The following MANEAL variants were observed in gnomAD, a reference collection of about 807,000 sequenced individuals.
The protein encoded by MANEAL is glycoprotein endo-alpha-1,2-mannosidase-like protein.
Under a neutral mutation model 35.9 loss-of-function variants are expected in MANEAL, and 28 were observed. The observed-to-expected ratio is 0.78, with a 90% CI of 0.58 to 1.07. MANEAL has a LOEUF of 1.07. Ranked by LOEUF, MANEAL falls within the 50% of genes least tolerant of loss-of-function variation. MANEAL has a pLI of 0.00. For synonymous variants in MANEAL, 286 were observed against 272.2 expected, an observed-to-expected ratio of 1.05 and a Z score of -0.50; for missense variants, 576 against 629.6, an observed-to-expected ratio of 0.91 and a Z score of 0.91.
chr1:37,799,041 G>GA lies in MANEAL; in HGVS notation c.738-520dup, dbSNP rs1381161898. ...AGCAACAGAGCAAGACCCTATCTCAGAAAAAAGTAGTAATAATAAGAAGAA... is the reference window on the plus strand; with the variant it reads ...AGCAACAGAGCAAGACCCTATCTCAGAAAAAAAGTAGTAATAATAAGAAGAA... On this transcript the variant is annotated intron_variant, in intron 3 of 3. Coordinates refer to ENST00000373045, the MANE Select transcript of MANEAL (RefSeq NM_001113482.2). The surrounding 1 kb of genome is among the most constrained non-coding windows in gnomAD (Gnocchi z 4.1). Among the ~76,000 whole-genome samples the GA allele has an allele frequency of 6.6e-6, 1 of 151,858 alleles. No homozygotes were observed. Among genetic ancestry groups the GA allele is most frequent in the Admixed American group, 6.6e-5 (1 of 15,234 alleles).
chr1:37,794,188 CCGG>C lies in MANEAL; in HGVS notation c.15_17del (p.Arg7del). 3.9e-6 allele frequency: 5 copies of C among 1,274,918 alleles called. No individual in the cohort carries two copies. The highest frequency in any genetic ancestry group is 1.7e-5 in the South Asian group (1 of 59,536). The allele number at this position is 1,274,918 out of a possible 1,614,324, so 79.0% of individuals were successfully genotyped here. The stretch of plus-strand genomic sequence containing the variant: ...GCAGGAGCGCACAGTCGGCCATGGC[CCGG>C]CGGCGGCGCCGCGCCTGCATCGCTC... On this transcript the variant is annotated inframe_deletion, in exon 1 of 4. Transcript: ENST00000373045. The surrounding 1 kb of genome is among the most constrained non-coding windows in gnomAD (Gnocchi z 5.7).
chr1:37,794,296 G>T lies in MANEAL; in HGVS notation c.114G>T (p.Leu38=). 1 of 1,217,354 alleles carries T rather than the reference G, an allele frequency of 8.2e-7. No homozygotes were observed. The allele number at this position is 1,217,354 out of a possible 1,614,324, so 75.4% of individuals were successfully genotyped here. A position where few individuals can be genotyped will look rare whatever the true frequency, so the allele number is the denominator to read the frequency against. The change falls in exon 1 of 4, where the codon CTG becomes CTT. Residue 38 remains leucine, a synonymous_variant. Transcript: ENST00000373045. This position sits in a 1 kb window ranked among gnomAD's most constrained non-coding sequence, Gnocchi z 5.7. ...TLKAPDGLPA[L]GPGLELAPFE... ...AGGCTCCGGACGGACTCCCGGCGCTGGGCCCGGGCCTGGAGCTGGCGCCCT... is the reference window on the plus strand; with the variant it reads ...AGGCTCCGGACGGACTCCCGGCGCTTGGCCCGGGCCTGGAGCTGGCGCCCT...
Position 37,800,264 on chromosome 1 carries a change from TG to T in MANEAL, c.*65del. The stretch of plus-strand genomic sequence containing the variant: ...TGCCTTGCTGGAAGATGTCACCATG[TG>T]GGGTTCAGCTGAGGTTGTAGCCACT... On this transcript the variant is annotated 3_prime_UTR_variant, in exon 4 of 4. Coordinates refer to ENST00000373045, the MANE Select transcript of MANEAL (RefSeq NM_001113482.2). The T allele has an allele frequency of 6.3e-7, 1 of 1,576,780 alleles. No homozygotes were observed. The highest frequency in any genetic ancestry group is 8.6e-7 in the Non-Finnish European group (1 of 1,164,516).
intron 1 of MANEAL, 96 bp from the exon 2 acceptor site, chr1:37,795,641 G>A: frequency 6.3e-7 from 1 of 1,583,054 alleles, no homozygotes; most frequent in South Asian, 1.2e-5. Context: ...AGGTTTTTAG[G>A]AACCATTTTT....
chr1:37,796,821 G>A lies in MANEAL; in HGVS notation c.737+1G>A, dbSNP rs758163359. On this transcript the variant is annotated splice_donor_variant, in intron 3 of 3. Transcript: ENST00000373045. LOFTEE classifies it high-confidence loss of function. ...ACAACATCAAGTACATCATTGACAC[G>A]TAAGGCTGCTCTGGGGGCCGGGATT... is the stretch of plus-strand genomic sequence containing the variant. The A allele has an allele frequency of 3.7e-6, 6 of 1,608,656 alleles. No homozygotes were observed. The highest frequency in any genetic ancestry group is 5.1e-6 in the Non-Finnish European group (6 of 1,177,428).
Position 37,794,656 on chromosome 1 carries a change from G to A in MANEAL, c.474G>A (p.Pro158=), listed in dbSNP as rs1646628673. 1 of 1,609,964 alleles carries A rather than the reference G, an allele frequency of 6.2e-7. No individual in the cohort carries two copies. The highest frequency in any genetic ancestry group is 1.3e-5 in the African/African-American group (1 of 74,916). ...PPDDLGSSFY[P]ELGPYSSRDP... is the part of the protein sequence containing the mutation. ...ACGACTTGGGCTCCAGCTTCTACCC[G>A]GAGCTGGGGCCCTACAGCTCCCGGG... The change falls in exon 1 of 4, where the codon CCG becomes CCA. Residue 158 remains proline, a synonymous_variant. Transcript: ENST00000373045. The surrounding 1 kb of genome is among the most constrained non-coding windows in gnomAD (Gnocchi z 5.7).
In MANEAL at chr1:37,795,801, C is replaced by A; in HGVS notation, c.615C>A (p.Asp205Glu). The A allele has an allele frequency of 6.2e-7, 1 of 1,614,140 alleles. No homozygotes were observed. The highest frequency in any genetic ancestry group is 8.5e-7 in the Non-Finnish European group (1 of 1,180,008). Residue 205 changes from aspartate to glutamate, a missense_variant, in exon 2 of 4, where the codon GAC (aspartate) becomes GAA (glutamate). Asp to Glu is a conservative substitution (Grantham distance 45). This residue lies in a region of MANEAL where 449 missense variants were observed against 516.1 expected (regional missense o/e 0.87). Coordinates refer to ENST00000373045, the MANE Select transcript of MANEAL (RefSeq NM_001113482.2). ...ATGATAACGGGGAGCCCTCAGATGACCTGGTGCCCGCCATTCTGGACACCG... is the reference window on the plus strand; with the variant it reads ...ATGATAACGGGGAGCCCTCAGATGAACTGGTGCCCGCCATTCTGGACACCG... The part of the protein sequence containing the change: ...MADDNGEPSD[D>E]LVPAILDTAH...
chr1:37,796,719 A>G (rs1646647895), intron 2 of MANEAL, 25 bp from the exon 3 acceptor site: 1 of 1,590,132 alleles, frequency 6.3e-7, no homozygotes, highest in African/African-American at 1.3e-5. Flanking sequence ...CACTCACCTG[A>G]CCATTACTCC....
chr1:37,798,342 A>G (rs934625055), intron 3 of MANEAL, among the ~76,000 whole-genome samples: 1 of 152,236 alleles, frequency 6.6e-6, no homozygotes, highest in Non-Finnish European at 1.5e-5. Context: ...TGATCTGTAC[A>G]GGATTTTGTG....
Position 37,799,263 on chromosome 1 carries a change from G to A in MANEAL, c.738-304G>A, listed in dbSNP as rs987659849. 6.6e-6 allele frequency among the ~76,000 whole-genome samples: 1 copy of A among 152,150 alleles called. No homozygotes were observed. The highest frequency in any genetic ancestry group is 6.5e-5 in the Admixed American group (1 of 15,268). On this transcript the variant is annotated intron_variant, in intron 3 of 3. Transcript: ENST00000373045. This position sits in a 1 kb window ranked among gnomAD's most constrained non-coding sequence, Gnocchi z 4.1. ...GTAGGCAGGGCCAGATCAAGTAGGTGGGAATAATGAATGGATTATATGGAG... is the reference window on the plus strand; with the variant it reads ...GTAGGCAGGGCCAGATCAAGTAGGTAGGAATAATGAATGGATTATATGGAG...
Position 37,794,644 on chromosome 1 carries a change from C to T in MANEAL, c.462C>T (p.Ser154=), listed in dbSNP as rs1322653309. 3.1e-6 allele frequency: 5 copies of T among 1,610,678 alleles called. No homozygotes were observed. Among genetic ancestry groups the T allele is most frequent in the Non-Finnish European group, 4.2e-6 (5 of 1,179,248 alleles). The change falls in exon 1 of 4, where the codon TCC becomes TCT. Residue 154 remains serine (S), a synonymous_variant. Coordinates refer to ENST00000373045, the MANE Select transcript of MANEAL (RefSeq NM_001113482.2). The surrounding 1 kb of genome is among the most constrained non-coding windows in gnomAD (Gnocchi z 5.7). ...ACAGCCCCCCAGACGACTTGGGCTC[C>T]AGCTTCTACCCGGAGCTGGGGCCCT... ...GRHSPPDDLG[S]SFYPELGPYS... is the part of the protein sequence containing the mutation.
At chr1:37,796,661 A>C in intron 2 of MANEAL, 83 bp from the exon 3 acceptor site, 1 of 1,302,904 alleles carries the variant, frequency 7.7e-7, no homozygotes, top group Non-Finnish European at 1.1e-6. Flanking sequence ...CCTCTCCTCC[A>C]GGCCATGGTT....
At position 37,794,795 on chromosome 1, in the gene MANEAL, C is replaced by T; in HGVS notation, c.550+63C>T. On this transcript the variant is annotated intron_variant, in intron 1 of 3. Coordinates refer to ENST00000373045, the MANE Select transcript of MANEAL (RefSeq NM_001113482.2). This position sits in a 1 kb window ranked among gnomAD's most constrained non-coding sequence, Gnocchi z 5.7. ...CCTCACCCTTCCTCCTTCCCACACC[C>T]CAGCTCCCTCTGGTCCTGTCACCGG... 3.7e-6 allele frequency: 4 copies of T among 1,088,010 alleles called. No individual in the cohort carries two copies. The highest frequency in any genetic ancestry group is 5.3e-6 in the Non-Finnish European group (4 of 753,310). The allele number at this position is 1,088,010 out of a possible 1,614,324, so 67.4% of individuals were successfully genotyped here. A position where few individuals can be genotyped will look rare whatever the true frequency, so the allele number is the denominator to read the frequency against.
In MANEAL at chr1:37,799,801, C is replaced by G; in HGVS notation, c.972C>G (p.Thr324=). ...ILAAGFDGMY[T]YFASNGFSFG... is the part of the protein sequence containing the mutation. ...CCGCCGGATTTGACGGCATGTACAC[C>G]TACTTTGCCTCCAATGGTTTCTCCT... The change falls in exon 4 of 4, where the codon ACC becomes ACG. Residue 324 remains threonine (T), a synonymous_variant. Coordinates refer to ENST00000373045, the MANE Select transcript of MANEAL (RefSeq NM_001113482.2). The surrounding 1 kb of genome is among the most constrained non-coding windows in gnomAD (Gnocchi z 4.1). The G allele has an allele frequency of 6.2e-7, 1 of 1,614,224 alleles. No homozygotes were observed. The highest frequency in any genetic ancestry group is 1.6e-4 in the Middle Eastern group (1 of 6,062).
Position 37,800,223 on chromosome 1 carries a change from GA to G in MANEAL, c.*21del. 3 of 1,607,924 alleles carry G rather than the reference GA, an allele frequency of 1.9e-6. No individual in the cohort carries two copies. The highest frequency in any genetic ancestry group is 2.5e-6 in the Non-Finnish European group (3 of 1,178,704). On this transcript the variant is annotated 3_prime_UTR_variant, in exon 4 of 4. Coordinates refer to ENST00000373045, the MANE Select transcript of MANEAL (RefSeq NM_001113482.2). ...ATGTGAGGGGCCTGTAAATGGGCGTGAGGTGCTGATGTCCTTGCCTTGCTGG... is the reference window on the plus strand; with the variant it reads ...ATGTGAGGGGCCTGTAAATGGGCGTGGGTGCTGATGTCCTTGCCTTGCTGG...
rs1285644543 is a variant in MANEAL at position 37,799,491 on chromosome 1, G to C, written c.738-76G>C. On this transcript the variant is annotated intron_variant, in intron 3 of 3. Coordinates refer to ENST00000373045, the MANE Select transcript of MANEAL (RefSeq NM_001113482.2). The surrounding 1 kb of genome is among the most constrained non-coding windows in gnomAD (Gnocchi z 4.1). Reference sequence around the variant, plus strand: ...TCCAGAACTGGGCTGTGTTGCATCCGTATCTCATCCACGGGAGGTCCTACA... The same window carrying C: ...TCCAGAACTGGGCTGTGTTGCATCCCTATCTCATCCACGGGAGGTCCTACA... 7 of 1,499,946 alleles carry C rather than the reference G, an allele frequency of 4.7e-6. No homozygotes were observed. Among genetic ancestry groups the C allele is most frequent in the Non-Finnish European group, 6.3e-6 (7 of 1,113,922 alleles). The allele number at this position is 1,499,946 out of a possible 1,614,324, so 92.9% of individuals were successfully genotyped here.
In MANEAL at chr1:37,799,714, G is replaced by A. The variant is rs767419023; in HGVS notation, c.885G>A (p.Thr295=). Residue 295 remains threonine (T), a synonymous_variant, in exon 4 of 4, where the codon ACG becomes ACA. Coordinates refer to ENST00000373045, the MANE Select transcript of MANEAL (RefSeq NM_001113482.2). The surrounding 1 kb of genome is among the most constrained non-coding windows in gnomAD (Gnocchi z 4.1). ...ACGGGCCCCATTCGATCCGCAACAC[G>A]CCCTACGATGGGGTCTTCATAGCGC... is the stretch of plus-strand genomic sequence containing the variant. ...TPNGPHSIRN[T]PYDGVFIALL... 2.2e-5 allele frequency: 35 copies of A among 1,614,080 alleles called. No homozygotes were observed. The highest frequency in any genetic ancestry group is 2.7e-5 in the Non-Finnish European group (32 of 1,180,050).
At chr1:37,798,473 T>C (rs1440433180) in intron 3 of MANEAL, among the ~76,000 whole-genome samples, 1 of 152,066 alleles carries the variant, frequency 6.6e-6, no homozygotes, top group Non-Finnish European at 1.5e-5. Flanking sequence ...CTCACACCTG[T>C]AATCCCAGCA....
chr1:37,795,762 A>G lies in MANEAL; in HGVS notation c.576A>G (p.Pro192=), dbSNP rs1646640571. 3 of 1,614,018 alleles carry G rather than the reference A, an allele frequency of 1.9e-6. No individual in the cohort carries two copies. Among genetic ancestry groups the G allele is most frequent in the African/African-American group, 1.3e-5 (1 of 74,894 alleles). ...AIGVLVLSWY[P]PGMADDNGEP... The stretch of plus-strand genomic sequence containing the variant: ...GCGTCCTGGTCCTGTCCTGGTACCC[A>G]CCTGGCATGGCTGATGATAACGGGG... Residue 192 remains proline, a synonymous_variant, in exon 2 of 4, where the codon CCA becomes CCG. Coordinates refer to ENST00000373045, the MANE Select transcript of MANEAL (RefSeq NM_001113482.2).
Sources: allele counts gnomAD v4.1 joint callset (sites outside exome capture counted in the v4.1 genomes callset), GRCh38; gene constraint gnomAD v4.1.1; regional missense constraint gnomAD v4.1.1; non-coding constraint Gnocchi (gnomAD v3.1); transcripts MANE v1.5; gene names NCBI Gene and HGNC (gene_info 2026-07-23, HGNC 2026-07-21).